Variants in CRPPA observed in about 807,000 individuals in gnomAD.
CRPPA encodes CDP-L-ribitol pyrophosphorylase A, also known as D-ribitol-5-phosphate cytidylyltransferase.
Under a neutral mutation model 52.0 loss-of-function variants are expected in CRPPA, and 43 were observed. The ratio of observed to expected loss-of-function variants is 0.83; its 90% CI spans 0.65 to 1.07. The LOEUF (loss-of-function observed/expected upper bound fraction) is 1.07, where lower values mean the gene tolerates loss of function less well. CRPPA is among the 50% of genes least tolerant of loss of function. The probability of loss-of-function intolerance (pLI) is 0.00; values close to 1 mark genes in which losing one functional copy is unlikely to be tolerated. For synonymous variants in CRPPA, 250 were observed against 203.5 expected (o/e 1.23, Z -1.94); for missense variants, 629 against 551.7 (o/e 1.14, Z -1.40).
intron 9 of CRPPA, among the ~76,000 whole-genome samples, chr7:16,160,929 G>A (rs1583399065): frequency 6.6e-6 from 1 of 152,162 alleles, no homozygotes; most frequent in Non-Finnish European, 1.5e-5. Flanking sequence ...CAGCAATTGT[G>A]AATGGGAGTT....
intron 9 of CRPPA, among the ~76,000 whole-genome samples, chr7:16,205,201 G>A (rs1781947015): frequency 6.6e-6 from 1 of 152,170 alleles, no homozygotes; most frequent in African/African-American, 2.4e-5. Context: ...GGCCTGAGGA[G>A]ATAATTAAAC....
intron 2 of CRPPA, among the ~76,000 whole-genome samples, chr7:16,392,505 G>A (rs1193987943): frequency 2.6e-5 from 4 of 152,126 alleles, no homozygotes; most frequent in African/African-American, 9.7e-5. Flanking sequence ...TTTGCATAAT[G>A]AGGAATACGC....
rs935897175 is a variant in CRPPA, at chr7:16,421,343, G to A, written c.-21C>T. Reference sequence around the variant, plus strand: ...TCCATGGCTGCGGGCGGAACGGCGAGCCCCGCTAGCCTCGGGCCGATGCGA... The same window carrying A: ...TCCATGGCTGCGGGCGGAACGGCGAACCCCGCTAGCCTCGGGCCGATGCGA... On this transcript the variant is annotated 5_prime_UTR_variant, in exon 1 of 10. Transcript: ENST00000407010. The A allele has an allele frequency of 4.0e-5, 49 of 1,237,230 alleles. No individual in the cohort carries two copies. The African/African-American group carries it at 6.2e-4, about 16-fold the overall frequency. 76.6% of individuals were successfully genotyped at this position (1,237,230 alleles called of 1,614,324 possible).
chr7:16,091,557 T>C lies in CRPPA; in HGVS notation c.*138A>G, dbSNP rs1245147418. ...ATAAACATTAATCTGCTTTATAATC[T>C]AAGCATCACATCCTACAAATTATAG... On this transcript the variant is annotated 3_prime_UTR_variant, in exon 10 of 10. Transcript: ENST00000407010. 2 of 588,138 alleles carry C rather than the reference T, an allele frequency of 3.4e-6. No individual in the cohort carries two copies. The highest frequency in any genetic ancestry group is 3.4e-4 in the Middle Eastern group (1 of 2,936). 36.4% of individuals were successfully genotyped at this position (588,138 alleles called of 1,614,324 possible). A position where few individuals can be genotyped will look rare whatever the true frequency, so the allele number is the denominator to read the frequency against.
chr7:16,353,450 G>T (rs923795302), intron 3 of CRPPA, among the ~76,000 whole-genome samples: 1 of 152,092 alleles, frequency 6.6e-6, no homozygotes, highest in Non-Finnish European at 1.5e-5. Flanking sequence ...TTGGTCAAAG[G>T]GTATAAAGTT....
chr7:16,420,246 C>A (rs771265895), intron 1 of CRPPA, among the ~76,000 whole-genome samples: 2 of 152,238 alleles, frequency 1.3e-5, no homozygotes, highest in African/African-American at 4.8e-5. Flanking sequence ...CAGCTCCCCA[C>A]TGGCTTCAGA....
intron 9 of CRPPA, among the ~76,000 whole-genome samples, chr7:16,151,658 G>T (rs969269419): frequency 6.6e-6 from 1 of 151,582 alleles, no homozygotes; most frequent in Non-Finnish European, 1.5e-5. Context: ...TCTTCCATAC[G>T]CTTTCTATTA....
At chr7:16,393,558 C>T (rs190987924) in intron 2 of CRPPA, among the ~76,000 whole-genome samples, 1 of 152,148 alleles carries the variant, frequency 6.6e-6, no homozygotes, top group East Asian at 1.9e-4. Context: ...TGAAATCAAC[C>T]CCTACTCAAT....
intron 8 of CRPPA, among the ~76,000 whole-genome samples, chr7:16,246,057 T>C (rs1783264732): frequency 1.3e-5 from 2 of 152,114 alleles, no homozygotes; most frequent in South Asian, 4.2e-4. Flanking sequence ...AAAAAAAATT[T>C]CTCTGTAGAA....
rs1258072025 is a variant in CRPPA, at chr7:16,140,314, T to G, written c.1252-48515A>C. Reference sequence around the variant, plus strand: ...AGGCATGCACCACCATGCCAGGCAATGCCAGGCTAATTTTTTTTTTTTTGT... The same window carrying G: ...AGGCATGCACCACCATGCCAGGCAAGGCCAGGCTAATTTTTTTTTTTTTGT... On this transcript the variant is annotated intron_variant, in intron 9 of 9. Transcript: ENST00000407010. Among the ~76,000 whole-genome samples the G allele has an allele frequency of 2.0e-5, 3 of 151,308 alleles. No homozygotes were observed. In the East Asian group the frequency reaches 5.8e-4, roughly 29 times the overall value.
At chr7:16,109,509 T>C (rs949046633) in intron 9 of CRPPA, among the ~76,000 whole-genome samples, 2 of 151,954 alleles carry the variant, frequency 1.3e-5, no homozygotes, top group East Asian at 3.9e-4. Context: ...TAAACTGTAT[T>C]ACAAAAACAT....
intron 2 of CRPPA, among the ~76,000 whole-genome samples, chr7:16,379,030 G>T (rs1280571552): frequency 1.3e-5 from 2 of 152,042 alleles, no homozygotes; most frequent in African/African-American, 2.4e-5. Flanking sequence ...TGAGTAGGTT[G>T]CGAAAATTTT....
chr7:16,169,926 T>C (rs1033985502), intron 9 of CRPPA, among the ~76,000 whole-genome samples: 3 of 152,226 alleles, frequency 2.0e-5, no homozygotes, highest in Non-Finnish European at 4.4e-5. Flanking sequence ...ATAAATAATT[T>C]AGATATTCCT....
intron 3 of CRPPA, among the ~76,000 whole-genome samples, chr7:16,363,965 T>C (rs1226562247): frequency 6.6e-6 from 1 of 152,130 alleles, no homozygotes. Context: ...AGATAAAAAC[T>C]AATCTAAGAA....
At chr7:16,183,059 C>A (rs1159883274) in intron 9 of CRPPA, among the ~76,000 whole-genome samples, 2 of 152,106 alleles carry the variant, frequency 1.3e-5, no homozygotes, top group Admixed American at 1.3e-4. Flanking sequence ...CAGTTTCTCA[C>A]CTCAAAGATC....
intron 5 of CRPPA, among the ~76,000 whole-genome samples, chr7:16,287,320 T>C (rs1784471828): frequency 6.6e-6 from 1 of 152,200 alleles, no homozygotes. Flanking sequence ...TATTACAGTA[T>C]ATTTTTTGTC....
chr7:16,193,940 C>T (rs1031716156), intron 9 of CRPPA, among the ~76,000 whole-genome samples: 1 of 152,086 alleles, frequency 6.6e-6, no homozygotes, highest in Non-Finnish European at 1.5e-5. Context: ...CCTTCTTCAA[C>T]CAAATAGCTG....
chr7:16,389,924 A>ATATATAT (rs1169753280), intron 2 of CRPPA, among the ~76,000 whole-genome samples: 201 of 62,406 alleles, frequency 3.2e-3, no homozygotes, highest in Middle Eastern at 8.5e-3. Flanking sequence ...AAAAAAAAAA[A>ATATATAT]AAAAATATAT....
rs576496526 is a variant in CRPPA at position 16,223,749 on chromosome 7, G to C, written c.1120-7552C>G. Among the ~76,000 whole-genome samples the C allele has an allele frequency of 2.6e-5, 4 of 152,288 alleles. No individual in the cohort carries two copies. In the South Asian group the frequency reaches 8.3e-4, roughly 32 times the overall value. ...AGAGGGTTGCAAAATGGTAACTCAA[G>C]AGAAATGTAAATGTTTTTGCCTTAA... is the stretch of plus-strand genomic sequence containing the variant. On this transcript the variant is annotated intron_variant, in intron 8 of 9. Transcript: ENST00000407010.
Sources: gnomAD v4.1 joint callset for allele counts (sites outside exome capture counted in the v4.1 genomes callset) on GRCh38, gnomAD v4.1.1 for gene constraint, MANE v1.5 for transcripts, NCBI Gene and HGNC (gene_info 2026-07-23, HGNC 2026-07-21) for gene names.